The following SPATA6 variants were observed in gnomAD, a reference collection of about 807,000 sequenced individuals.
The protein encoded by SPATA6 is spermatogenesis associated 6, also known as spermatogenesis-associated protein 6.
A neutral mutation model predicts 65.3 loss-of-function variants in SPATA6; 56 were observed. The ratio of observed to expected loss-of-function variants is 0.86; its 90% CI spans 0.69 to 1.07. The LOEUF is 1.07. Among genes scored for constraint, SPATA6 ranks in the 50% least tolerant of loss-of-function variants. The pLI is 0.00. For synonymous variants in SPATA6, 199 were observed against 213.2 expected (o/e 0.93, Z 0.58); for missense variants, 590 against 594.8 (o/e 0.99, Z 0.08).
intron 9 of SPATA6, among the ~76,000 whole-genome samples, chr1:48,369,673 G>A (rs775174758): frequency 7.2e-5 from 11 of 152,306 alleles, no homozygotes; most frequent in Middle Eastern, 3.4e-3. Context: ...TCCAGGTGCC[G>A]TCTGTCACCC....
intron 9 of SPATA6, among the ~76,000 whole-genome samples, chr1:48,368,313 C>G (rs1647101595): frequency 6.6e-6 from 1 of 152,102 alleles, no homozygotes; most frequent in Admixed American, 6.6e-5. Context: ...GTGGCGTTCT[C>G]TGTATTTCCT....
the SPATA6 span, among the ~76,000 whole-genome samples, chr1:48,269,142 A>G: frequency 6.6e-6 from 1 of 152,188 alleles, no homozygotes. Context: ...ATTTGGTCCT[A>G]TGTCTTAAAA....
In SPATA6 at chr1:48,296,642, A is replaced by C. The variant is rs886171022; in HGVS notation, c.*2071T>G. On this transcript the variant is annotated 3_prime_UTR_variant, in exon 13 of 13. Transcript: ENST00000371847. The stretch of plus-strand genomic sequence containing the variant: ...CTTATTTTTCCATGGAAAAACACTG[A>C]GGATATAATTTTTTTAAAAGAGCAT... 4 of 152,180 alleles carry C rather than the reference A, an allele frequency of 2.6e-5. No individual in the cohort carries two copies. The highest frequency in any genetic ancestry group is 9.6e-5 in the African/African-American group (4 of 41,454). 9.4% of individuals were successfully genotyped at this position (152,180 alleles called of 1,614,324 possible).
intron 11 of SPATA6, among the ~76,000 whole-genome samples, chr1:48,330,317 G>A (rs1444737458): frequency 6.6e-6 from 1 of 152,134 alleles, no homozygotes; most frequent in African/African-American, 2.4e-5. Flanking sequence ...CTAGTCACTG[G>A]TAGCCAGGCA....
chr1:48,389,849 A>T (rs114277031), intron 8 of SPATA6, among the ~76,000 whole-genome samples: 10,090 of 152,254 alleles, frequency 0.066, 422 homozygotes, highest in Non-Finnish European at 0.093. Flanking sequence ...AAAATACAAA[A>T]CTCAACAATA....
chr1:48,381,230 T>C (rs1295519907), intron 9 of SPATA6, among the ~76,000 whole-genome samples: 2 of 152,156 alleles, frequency 1.3e-5, no homozygotes, highest in Non-Finnish European at 2.9e-5. Flanking sequence ...ACTCCTGCTA[T>C]ACAGGAAGAG....
intron 3 of SPATA6, among the ~76,000 whole-genome samples, chr1:48,422,712 T>C (rs1370396760): frequency 6.6e-6 from 1 of 152,174 alleles, no homozygotes; most frequent in Non-Finnish European, 1.5e-5. Flanking sequence ...ACACCTTCAA[T>C]TATTTTTACA....
the SPATA6 span, among the ~76,000 whole-genome samples, chr1:48,287,473 C>G: frequency 6.6e-6 from 1 of 152,198 alleles, no homozygotes. Context: ...GGAGGTGTGG[C>G]TTGGTGAGAA....
At chr1:48,322,595 T>C (rs1004896438) in intron 11 of SPATA6, among the ~76,000 whole-genome samples, 2 of 152,228 alleles carry the variant, frequency 1.3e-5, no homozygotes, top group Non-Finnish European at 2.9e-5. Context: ...AAAGAGCTTC[T>C]GCACAGCAAA....
intron 3 of SPATA6, among the ~76,000 whole-genome samples, chr1:48,431,528 G>A (rs1654402283): frequency 1.3e-5 from 2 of 152,000 alleles, no homozygotes; most frequent in Non-Finnish European, 2.9e-5. Context: ...TAGACCATAT[G>A]GTAGACCACA....
the SPATA6 span, among the ~76,000 whole-genome samples, chr1:48,264,224 G>A: frequency 6.6e-6 from 1 of 152,110 alleles, no homozygotes; most frequent in Non-Finnish European, 1.5e-5. Context: ...CATTATTTGA[G>A]TACCCAAATA....
intron 3 of SPATA6, among the ~76,000 whole-genome samples, chr1:48,434,035 C>A (rs750488148): frequency 6.6e-6 from 1 of 151,632 alleles, no homozygotes; most frequent in Non-Finnish European, 1.5e-5. Context: ...AAAAGGAGAC[C>A]GAAACAGCTA....
chr1:48,470,264 CTG>C (rs1658135542), intron 1 of SPATA6, among the ~76,000 whole-genome samples: 1 of 152,128 alleles, frequency 6.6e-6, no homozygotes, highest in Non-Finnish European at 1.5e-5. Context: ...GTTAGGGAAG[CTG>C]CAGCCAGCCA....
At chr1:48,354,037 T>C (rs1171347282) in intron 11 of SPATA6, among the ~76,000 whole-genome samples, 1 of 152,070 alleles carries the variant, frequency 6.6e-6, no homozygotes, top group Non-Finnish European at 1.5e-5. Flanking sequence ...AAATGAAAGA[T>C]AGACAATCCA....
In SPATA6 at chr1:48,443,219, G is replaced by A. The variant is rs150364847; in HGVS notation, c.238+8333C>T. The stretch of plus-strand genomic sequence containing the variant: ...TGGACTGAACGAGGTTTTATTAATA[G>A]CAAAGAAAAATTAAAATCCCAAACT... On this transcript the variant is annotated intron_variant, in intron 3 of 12. Transcript: ENST00000371847. Among the ~76,000 whole-genome samples, 747 of 152,302 alleles carry A rather than the reference G, an allele frequency of 4.9e-3. 6 individuals carry two copies. Among genetic ancestry groups the A allele is most frequent in the South Asian group, 0.026 (126 of 4,818 alleles).
At chr1:48,355,973 T>G in intron 10 of SPATA6, among the ~76,000 whole-genome samples, 1 of 152,176 alleles carries the variant, frequency 6.6e-6, no homozygotes, top group Non-Finnish European at 1.5e-5. Context: ...GATTTTCATA[T>G]GAAAACAGTA....
rs192720848 is a variant in SPATA6, at chr1:48,335,436, G to A, written c.1194+20234C>T. Among the ~76,000 whole-genome samples, 628 of 151,620 alleles carry A rather than the reference G, an allele frequency of 4.1e-3. 5 individuals carry two copies. Among genetic ancestry groups the A allele is most frequent in the Non-Finnish European group, 5.5e-3 (370 of 67,854 alleles). ...AAAATACCATGGTACTCATACAAAA[G>A]TAGACACATAGGCCAATAGAACAGA... is the stretch of plus-strand genomic sequence containing the variant. On this transcript the variant is annotated intron_variant, in intron 11 of 12. Coordinates refer to ENST00000371847, the MANE Select transcript of SPATA6 (RefSeq NM_019073.4).
At chr1:48,346,810 T>G (rs1012286006) in intron 11 of SPATA6, among the ~76,000 whole-genome samples, 1 of 151,834 alleles carries the variant, frequency 6.6e-6, no homozygotes, top group Non-Finnish European at 1.5e-5. Flanking sequence ...CTCAGAGAAA[T>G]AGGAAAAGAC....
At chr1:48,279,587 C>G in the SPATA6 span, among the ~76,000 whole-genome samples, 24 of 152,040 alleles carry the variant, frequency 1.6e-4, no homozygotes, top group East Asian at 2.9e-3. Context: ...GACAAAGAAG[C>G]CCATTACATA....
Sources: gnomAD v4.1 joint callset for allele counts (sites outside exome capture counted in the v4.1 genomes callset) on GRCh38, gnomAD v4.1.1 for gene constraint, MANE v1.5 for transcripts, NCBI Gene and HGNC (gene_info 2026-07-23, HGNC 2026-07-21) for gene names.